HDAC4: variants seen among roughly 807,000 people sequenced by gnomAD.
HDAC4 encodes histone deacetylase 4.
A neutral mutation model predicts 135.1 loss-of-function variants in HDAC4; 16 were observed. The ratio of observed to expected loss-of-function variants is 0.12; its 90% CI spans 0.08 to 0.18. The LOEUF is 0.18. HDAC4 is among the 10% of genes least tolerant of loss of function. HDAC4 has a pLI of 1.00. For synonymous variants in HDAC4, 685 were observed against 653.4 expected (o/e 1.05, Z -0.74); for missense variants, 1,143 against 1,511.8 (o/e 0.76, Z 4.05).
In HDAC4 at chr2:239,160,653, T is replaced by C. The variant is rs953202422; in HGVS notation, c.611+3150A>G. ...GCAGGCGCCAGCGGTCCGTTCCTTG[T>C]CACTGCGGAGTAGCAGTGCAGGGGC... On this transcript the variant is annotated intron_variant, in intron 6 of 26. Coordinates refer to ENST00000543185, the MANE Select transcript of HDAC4 (RefSeq NM_001378414.1). Among the ~76,000 whole-genome samples, 4 of 152,262 alleles carry C rather than the reference T, an allele frequency of 2.6e-5. No homozygotes were observed. The East Asian group carries it at 7.7e-4, about 29-fold the overall frequency.
chr2:239,072,220 G>C (rs2034266945), intron 22 of HDAC4, among the ~76,000 whole-genome samples: 1 of 152,216 alleles, frequency 6.6e-6, no homozygotes, highest in South Asian at 2.1e-4. Context: ...CCTCAAACTA[G>C]ATCCTGTCCA....
intron 2 of HDAC4, among the ~76,000 whole-genome samples, chr2:239,248,209 C>A (rs888123800): frequency 7.9e-5 from 12 of 151,166 alleles, no homozygotes; most frequent in African/African-American, 2.9e-4. Context: ...GAGATGGAGT[C>A]TCGCTCTGTC....
At position 239,090,084 on chromosome 2, in the gene HDAC4, G is replaced by A. The variant is rs1204541502; in HGVS notation, c.2313C>T (p.His771=). 5 of 1,613,672 alleles carry A rather than the reference G, an allele frequency of 3.1e-6. No individual in the cohort carries two copies. Among genetic ancestry groups the A allele is most frequent in the African/African-American group, 2.7e-5 (2 of 74,942 alleles). ...CAGCCAGGCGGGCTGCCCCCGCCGA[G>A]TGCACCTCGTTCCATATGGTGTCAC... The part of the protein sequence containing the change: ...VDSDTIWNEV[H]SAGAARLAVG... Residue 771 remains histidine (H), a synonymous_variant, in exon 18 of 27, where the codon CAC becomes CAT. Transcript: ENST00000543185.
chr2:239,292,018 C>T (rs915759144), intron 2 of HDAC4, among the ~76,000 whole-genome samples: 2 of 152,056 alleles, frequency 1.3e-5, no homozygotes, highest in East Asian at 1.9e-4. Context: ...AGGGGCTGCG[C>T]GCACGGCCCA....
chr2:239,356,067 TAGACTATTC>T (rs1160351046), intron 1 of HDAC4, among the ~76,000 whole-genome samples: 1 of 152,204 alleles, frequency 6.6e-6, no homozygotes, highest in Non-Finnish European at 1.5e-5. Flanking sequence ...AAAGTTGCAG[TAGACTATTC>T]AAAACTATGC....
Position 239,068,961 on chromosome 2 carries a change from G to C in HDAC4, c.2751-354C>G. 7.9e-5 allele frequency: 1 copy of C among 12,594 alleles called. No homozygotes were observed. Among genetic ancestry groups the C allele is most frequent in the Admixed American group, 6.3e-4 (1 of 1,586 alleles). The allele number at this position is 12,594 out of a possible 1,614,324, so 0.8% of individuals were successfully genotyped here. Reference sequence around the variant, plus strand: ...AAGCCCCACTGCACTTGCTTGGTGAGAGGGAGTCACGGTGCAAGCCAGCAA... The same window carrying C: ...AAGCCCCACTGCACTTGCTTGGTGACAGGGAGTCACGGTGCAAGCCAGCAA... On this transcript the variant is annotated intron_variant, in intron 22 of 26. Transcript: ENST00000543185. The surrounding 1 kb of genome is among the most constrained non-coding windows in gnomAD (Gnocchi z 4.4).
chr2:239,236,499 C>T, intron 3 of HDAC4, 94 bp downstream of exon 3: 2 of 1,003,398 alleles, frequency 2.0e-6, no homozygotes, highest in Non-Finnish European at 3.1e-6. Context: ...TCCCCCCTCG[C>T]CCTCTCTGCA....
At chr2:239,073,609 C>T (rs763456011) in intron 22 of HDAC4, among the ~76,000 whole-genome samples, 38 of 152,398 alleles carry the variant, frequency 2.5e-4, no homozygotes, top group Non-Finnish European at 4.6e-4. Flanking sequence ...ACTTCTGTAA[C>T]ATTCTTCCAT....
At chr2:239,364,929 G>A (rs1694091790) in intron 1 of HDAC4, among the ~76,000 whole-genome samples, 1 of 151,930 alleles carries the variant, frequency 6.6e-6, no homozygotes. Flanking sequence ...ACCCACGAGG[G>A]TGCAAACACA....
intron 24 of HDAC4, among the ~76,000 whole-genome samples, chr2:239,063,446 C>T (rs1258622522): frequency 6.6e-6 from 1 of 152,106 alleles, no homozygotes; most frequent in African/African-American, 2.4e-5. Context: ...CCTCGTGATC[C>T]GCCCGCCTCG....
At chr2:239,179,129 C>T (rs969674955) in intron 4 of HDAC4, among the ~76,000 whole-genome samples, 1 of 150,616 alleles carries the variant, frequency 6.6e-6, no homozygotes, top group Admixed American at 6.6e-5. Flanking sequence ...CACCGGACGC[C>T]TGAGGCATAG....
At chr2:239,170,545 C>G (rs983346880) in intron 5 of HDAC4, among the ~76,000 whole-genome samples, 1 of 152,126 alleles carries the variant, frequency 6.6e-6, no homozygotes, top group Admixed American at 6.5e-5. Flanking sequence ...CCAGACAAAA[C>G]GAAGAACATA....
At chr2:239,077,799 G>GGCAGCAACA (rs1559380675) in intron 22 of HDAC4, among the ~76,000 whole-genome samples, 2 of 152,144 alleles carry the variant, frequency 1.3e-5, no homozygotes, top group East Asian at 3.8e-4. Context: ...GTCTACAAAA[G>GGCAGCAACA]GCAGCAACAG....
chr2:239,198,648 G>A (rs556979485), intron 3 of HDAC4, among the ~76,000 whole-genome samples: 1 of 152,166 alleles, frequency 6.6e-6, no homozygotes, highest in Non-Finnish European at 1.5e-5. Flanking sequence ...GGTTGGCTGA[G>A]ATCTGTTTTT....
chr2:239,311,530 A>C (rs1379783814), intron 2 of HDAC4, among the ~76,000 whole-genome samples: 1 of 152,162 alleles, frequency 6.6e-6, no homozygotes, highest in Admixed American at 6.6e-5. Context: ...GATTTACGAT[A>C]TAAAACGGCA....
chr2:239,360,345 G>A (rs973731062), intron 1 of HDAC4, among the ~76,000 whole-genome samples: 3 of 152,224 alleles, frequency 2.0e-5, no homozygotes, highest in Non-Finnish European at 2.9e-5. Flanking sequence ...CAGCCCCCGT[G>A]TCACAGCTGG....
chr2:239,346,788 G>A (rs541003845), intron 2 of HDAC4, among the ~76,000 whole-genome samples: 12 of 81,036 alleles, frequency 1.5e-4, no homozygotes, highest in East Asian at 3.3e-4. Context: ...CACATACACC[G>A]TCTCACACAC....
At chr2:239,297,841 G>T (rs780003999) in intron 2 of HDAC4, among the ~76,000 whole-genome samples, 1 of 152,210 alleles carries the variant, frequency 6.6e-6, no homozygotes, top group Non-Finnish European at 1.5e-5. Context: ...AGAAAATTGA[G>T]ACCTTGAAAG....
chr2:239,147,495 G>A (rs1166282218), intron 7 of HDAC4, among the ~76,000 whole-genome samples: 4 of 152,262 alleles, frequency 2.6e-5, no homozygotes, highest in African/African-American at 7.2e-5. Flanking sequence ...TGTGAGGGTC[G>A]AGGCTGCACG....
Sources: gnomAD v4.1 joint callset for allele counts (sites outside exome capture counted in the v4.1 genomes callset) on GRCh38, gnomAD v4.1.1 for gene constraint, Gnocchi (gnomAD v3.1) non-coding constraint, MANE v1.5 for transcripts, NCBI Gene and HGNC (gene_info 2026-07-23, HGNC 2026-07-21) for gene names.